KIAA0825: variants seen among roughly 807,000 people sequenced by gnomAD.
KIAA0825 encodes uncharacterized protein KIAA0825.
A neutral mutation model predicts 147.6 loss-of-function variants in KIAA0825; 119 were observed. The ratio of observed to expected loss-of-function variants is 0.81; its 90% CI spans 0.69 to 0.94. The LOEUF is 0.94. Among genes scored for constraint, KIAA0825 ranks in the 40% least tolerant of loss-of-function variants. The probability of loss-of-function intolerance (pLI) is 0.00; values close to 1 mark genes in which losing one functional copy is unlikely to be tolerated. For synonymous variants in KIAA0825, 470 were observed against 518.1 expected (o/e 0.91, Z 1.26); for missense variants, 1,381 against 1,472.7 (o/e 0.94, Z 1.02).
At chr5:94,381,149 T>A (rs892833985) in intron 20 of KIAA0825, among the ~76,000 whole-genome samples, 3 of 152,220 alleles carry the variant, frequency 2.0e-5, no homozygotes, top group East Asian at 3.9e-4. Flanking sequence ...CTTTTTCTGA[T>A]CCTCACTAGT....
intron 20 of KIAA0825, among the ~76,000 whole-genome samples, chr5:94,306,105 G>A (rs1054535145): frequency 2.0e-5 from 3 of 151,488 alleles, no homozygotes; most frequent in Admixed American, 1.3e-4. Flanking sequence ...ACAAAATAGC[G>A]ATATATATAA....
intron 6 of KIAA0825, among the ~76,000 whole-genome samples, chr5:94,482,808 G>A (rs563103161): frequency 6.6e-6 from 1 of 152,090 alleles, no homozygotes; most frequent in East Asian, 1.9e-4. Flanking sequence ...ACAAGGAGAC[G>A]TTCTAGTACT....
intron 20 of KIAA0825, among the ~76,000 whole-genome samples, chr5:94,234,325 C>T (rs926201479): frequency 6.0e-5 from 9 of 151,044 alleles, no homozygotes; most frequent in South Asian, 4.2e-4. Context: ...GAGCCGAGAT[C>T]GCGCCACTGC....
intron 1 of KIAA0825, among the ~76,000 whole-genome samples, chr5:94,601,488 G>A (rs1786438688): frequency 6.6e-6 from 1 of 152,174 alleles, no homozygotes; most frequent in Admixed American, 6.5e-5. Flanking sequence ...AAGCCAGAGT[G>A]CATTCTCTCC....
chr5:94,606,265 C>A (rs1467217003), intron 1 of KIAA0825, among the ~76,000 whole-genome samples: 1 of 152,120 alleles, frequency 6.6e-6, no homozygotes, highest in Non-Finnish European at 1.5e-5. Context: ...AAAACACAAA[C>A]AAATGGAAAA....
chr5:94,305,825 T>C (rs185299436), intron 20 of KIAA0825, among the ~76,000 whole-genome samples: 192 of 151,992 alleles, frequency 1.3e-3, no homozygotes, highest in African/African-American at 4.4e-3. Flanking sequence ...AAGTTCCAAA[T>C]AGAAGGATCT....
At chr5:94,167,489 G>A (rs1339976160) in intron 20 of KIAA0825, among the ~76,000 whole-genome samples, 1 of 152,076 alleles carries the variant, frequency 6.6e-6, no homozygotes, top group East Asian at 1.9e-4. Context: ...CAGCTTTTGG[G>A]AATAAATGGA....
intron 20 of KIAA0825, among the ~76,000 whole-genome samples, chr5:94,156,649 T>C (rs1767054677): frequency 6.6e-6 from 1 of 152,194 alleles, no homozygotes; most frequent in Non-Finnish European, 1.5e-5. Context: ...ATGACAATTA[T>C]AGGCACTTCA....
intron 1 of KIAA0825, among the ~76,000 whole-genome samples, chr5:94,605,314 A>G (rs1052745597): frequency 5.9e-5 from 9 of 152,190 alleles, no homozygotes; most frequent in Non-Finnish European, 1.2e-4. Flanking sequence ...AGATGGATTC[A>G]CAGGTGTATT....
chr5:94,317,643 C>A (rs1779776783), intron 20 of KIAA0825, among the ~76,000 whole-genome samples: 1 of 151,836 alleles, frequency 6.6e-6, no homozygotes, highest in Non-Finnish European at 1.5e-5. Flanking sequence ...CTCACTAGCA[C>A]CCAGACCTTA....
At chr5:94,165,559 A>T (rs997159961) in intron 20 of KIAA0825, among the ~76,000 whole-genome samples, 1 of 152,238 alleles carries the variant, frequency 6.6e-6, no homozygotes, top group Non-Finnish European at 1.5e-5. Context: ...CTATACTCCT[A>T]TGTTCATTGC....
chr5:94,462,395 T>C lies in KIAA0825; in HGVS notation c.2238A>G (p.Glu746=). ...TLVILTSPLT[E]LYKTFQHGLD... is the part of the protein sequence containing the mutation. The stretch of plus-strand genomic sequence containing the variant: ...ATACATTTGATACTTACTTATATAA[T>C]TCTGTTAATGGTGAAGTCAAAATGA... Residue 746 remains glutamate (E), a synonymous_variant, in exon 12 of 21, where the codon GAA becomes GAG. Transcript: ENST00000682413. The C allele has an allele frequency of 7.1e-7, 1 of 1,402,346 alleles. No individual in the cohort carries two copies. Among genetic ancestry groups the C allele is most frequent in the Non-Finnish European group, 9.7e-7 (1 of 1,030,054 alleles). 86.9% of individuals were successfully genotyped at this position (1,402,346 alleles called of 1,614,324 possible).
At position 94,471,521 on chromosome 5, in the gene KIAA0825, A is replaced by G; in HGVS notation, c.1666T>C (p.Tyr556His). The G allele has an allele frequency of 6.4e-7, 1 of 1,552,122 alleles. No individual in the cohort carries two copies. Among genetic ancestry groups the G allele is most frequent in the Non-Finnish European group, 8.7e-7 (1 of 1,147,078 alleles). ...NLHTYLSTAV[Y>H]VFQHFKRYDN... ...TATCGCTTGAAATGCTGGAAGACATACACCGCTGTGGAGAGGTATGTGTGC... is the reference window on the plus strand; with the variant it reads ...TATCGCTTGAAATGCTGGAAGACATGCACCGCTGTGGAGAGGTATGTGTGC... Residue 556 changes from tyrosine (Y) to histidine (H), a missense_variant, in exon 9 of 21, where the codon TAT (tyrosine) becomes CAT (histidine). Tyr to His is a moderately conservative substitution (Grantham distance 83). Transcript: ENST00000682413.
At chr5:94,602,505 T>C (rs1786676299) in intron 1 of KIAA0825, among the ~76,000 whole-genome samples, 1 of 152,172 alleles carries the variant, frequency 6.6e-6, no homozygotes, top group Non-Finnish European at 1.5e-5. Flanking sequence ...GTAGTTCTCG[T>C]AATCCCAACG....
intron 5 of KIAA0825, among the ~76,000 whole-genome samples, chr5:94,515,329 CA>C (rs1426836726): frequency 6.6e-6 from 1 of 151,994 alleles, no homozygotes; most frequent in African/African-American, 2.4e-5. Flanking sequence ...GATATGTGTA[CA>C]ATTGTATATA....
At chr5:94,483,198 C>A (rs775022489) in intron 6 of KIAA0825, among the ~76,000 whole-genome samples, 20 of 151,988 alleles carry the variant, frequency 1.3e-4, no homozygotes, top group Admixed American at 5.3e-4. Context: ...TAATGCAATT[C>A]TAATTTTGAA....
intron 20 of KIAA0825, among the ~76,000 whole-genome samples, chr5:94,159,442 T>C (rs1349952890): frequency 6.6e-6 from 1 of 152,206 alleles, no homozygotes; most frequent in Non-Finnish European, 1.5e-5. Context: ...TTTTGTAAGA[T>C]TCTACTTGTG....
intron 10 of KIAA0825, 149 bp downstream of exon 10, chr5:94,469,812 C>G (rs1760997251): frequency 1.7e-6 from 1 of 587,124 alleles, no homozygotes; most frequent in African/African-American, 1.9e-5. Context: ...ACTGTTTTTC[C>G]TAAGTATGAA....
intron 20 of KIAA0825, among the ~76,000 whole-genome samples, chr5:94,347,285 T>G (rs1184547891): frequency 6.6e-6 from 1 of 152,204 alleles, no homozygotes; most frequent in Non-Finnish European, 1.5e-5. Flanking sequence ...TGCTGGTTCC[T>G]CCCCGTAATA....
Sources: gnomAD v4.1 joint callset for allele counts (sites outside exome capture counted in the v4.1 genomes callset) on GRCh38, gnomAD v4.1.1 for gene constraint, MANE v1.5 for transcripts, NCBI Gene and HGNC (gene_info 2026-07-23, HGNC 2026-07-21) for gene names.